Variants in ERBB4 observed in about 807,000 individuals in gnomAD.
The protein encoded by ERBB4 is erb-b2 receptor tyrosine kinase 4, also known as receptor tyrosine-protein kinase erbB-4.
A neutral mutation model predicts 158.0 loss-of-function variants in ERBB4; 42 were observed. That is an observed-to-expected ratio of 0.27 (90% CI 0.21 to 0.34). The LOEUF (loss-of-function observed/expected upper bound fraction) is 0.34. ERBB4 is among the 10% of genes least tolerant of loss of function. The pLI is 1.00. For missense variants in ERBB4, 1,333 were observed against 1,624.1 expected, an observed-to-expected ratio of 0.82 and a Z score of 3.08; for synonymous variants, 583 against 558.7, an observed-to-expected ratio of 1.04 and a Z score of -0.61.
At chr2:212,164,380 T>C (rs2081288141) in intron 1 of ERBB4, among the ~76,000 whole-genome samples, 1 of 152,048 alleles carries the variant, frequency 6.6e-6, no homozygotes, top group African/African-American at 2.4e-5. Context: ...CTAAACTAAT[T>C]TTATCTGCTC....
At chr2:211,641,189 T>G (rs1268318627) in intron 16 of ERBB4, among the ~76,000 whole-genome samples, 2 of 152,130 alleles carry the variant, frequency 1.3e-5, no homozygotes, top group Non-Finnish European at 2.9e-5. Flanking sequence ...TTCTAGTACT[T>G]TATTTATTCT....
At chr2:211,785,652 C>T (rs1254695132) in intron 4 of ERBB4, among the ~76,000 whole-genome samples, 3 of 151,976 alleles carry the variant, frequency 2.0e-5, no homozygotes, top group Admixed American at 1.3e-4. Flanking sequence ...TCCAGTTTTC[C>T]CAACACCATT....
At chr2:211,988,612 G>T (rs986959695) in intron 2 of ERBB4, among the ~76,000 whole-genome samples, 2 of 152,006 alleles carry the variant, frequency 1.3e-5, no homozygotes, top group African/African-American at 2.4e-5. Context: ...TACAATTGAA[G>T]ATGGGAATAA....
At chr2:211,441,074 T>G (rs2125453139) in intron 20 of ERBB4, among the ~76,000 whole-genome samples, 1 of 152,282 alleles carries the variant, frequency 6.6e-6, no homozygotes, top group Admixed American at 6.5e-5. Context: ...CCTCTCAAAA[T>G]CCTCAGAAGG....
intron 3 of ERBB4, among the ~76,000 whole-genome samples, chr2:211,805,814 T>G (rs911859311): frequency 4.6e-5 from 7 of 152,004 alleles, no homozygotes; most frequent in African/African-American, 1.4e-4. Flanking sequence ...AAAAATTCTA[T>G]TCTATAGGAA....
At chr2:212,194,744 T>C (rs1444749867) in intron 1 of ERBB4, among the ~76,000 whole-genome samples, 1 of 152,012 alleles carries the variant, frequency 6.6e-6, no homozygotes, top group Non-Finnish European at 1.5e-5. Context: ...ATATTTTTGC[T>C]GGCATATCTG....
At chr2:211,533,066 G>A (rs2066544442) in intron 20 of ERBB4, among the ~76,000 whole-genome samples, 1 of 151,148 alleles carries the variant, frequency 6.6e-6, no homozygotes, top group Non-Finnish European at 1.5e-5. Flanking sequence ...ACACAAATGG[G>A]AATATATCAT....
At chr2:212,264,530 T>C in intron 1 of ERBB4, among the ~76,000 whole-genome samples, 1 of 152,128 alleles carries the variant, frequency 6.6e-6, no homozygotes. Context: ...GCAAACTTCC[T>C]GTGGACAGTT....
intron 1 of ERBB4, among the ~76,000 whole-genome samples, chr2:212,336,623 C>T (rs1404225407): frequency 6.6e-6 from 1 of 152,074 alleles, no homozygotes; most frequent in African/African-American, 2.4e-5. Context: ...ACTCTGAGGA[C>T]ACCACACTGC....
chr2:212,335,789 G>A (rs73987367), intron 1 of ERBB4, among the ~76,000 whole-genome samples: 2,266 of 152,042 alleles, frequency 0.015, 58 homozygotes, highest in African/African-American at 0.05. Flanking sequence ...GAGAGCAAGC[G>A]TATGGTGCTC....
At chr2:212,331,345 T>C (rs897493516) in intron 1 of ERBB4, among the ~76,000 whole-genome samples, 1 of 151,382 alleles carries the variant, frequency 6.6e-6, no homozygotes, top group African/African-American at 2.4e-5. Context: ...AAACCGAGAA[T>C]GTCTCAATGC....
rs537790295 is a variant in ERBB4 at position 212,327,650 on chromosome 2, C to G, written c.83-202747G>C. 4.6e-4 allele frequency among the ~76,000 whole-genome samples: 69 copies of G among 151,344 alleles called. 1 individual carries two copies. Among genetic ancestry groups the G allele is most frequent in the Non-Finnish European group, 8.1e-4 (55 of 67,884 alleles). On this transcript the variant is annotated intron_variant, in intron 1 of 27. Transcript: ENST00000342788. Reference sequence around the variant, plus strand: ...AGTGGGTCTGGGGAAGAGGAAGTAACTGCAAGTGGGCACAAGGGATCTGTT... The same window carrying G: ...AGTGGGTCTGGGGAAGAGGAAGTAAGTGCAAGTGGGCACAAGGGATCTGTT...
intron 1 of ERBB4, among the ~76,000 whole-genome samples, chr2:212,433,703 T>C (rs1161875523): frequency 6.6e-6 from 1 of 152,018 alleles, no homozygotes; most frequent in African/African-American, 2.4e-5. Flanking sequence ...AAAATATATA[T>C]ATTAATATCT....
At chr2:211,577,123 T>C (rs1263910288) in intron 19 of ERBB4, among the ~76,000 whole-genome samples, 1 of 152,286 alleles carries the variant, frequency 6.6e-6, no homozygotes, top group Middle Eastern at 3.4e-3. Flanking sequence ...TCTAGCACAG[T>C]GTTGGTATAT....
chr2:212,469,088 A>G (rs1688987788), intron 1 of ERBB4, among the ~76,000 whole-genome samples: 1 of 152,166 alleles, frequency 6.6e-6, no homozygotes, highest in Admixed American at 6.5e-5. Context: ...TATCCAAGAA[A>G]TAGATTTCTT....
At chr2:211,549,718 G>A (rs1013034826) in intron 20 of ERBB4, among the ~76,000 whole-genome samples, 5 of 152,120 alleles carry the variant, frequency 3.3e-5, no homozygotes, top group Admixed American at 2.0e-4. Context: ...AAACACTTAT[G>A]TGTCAAATAA....
intron 20 of ERBB4, among the ~76,000 whole-genome samples, chr2:211,501,406 C>G (rs2065612307): frequency 6.6e-6 from 1 of 151,634 alleles, no homozygotes; most frequent in Non-Finnish European, 1.5e-5. Flanking sequence ...ACCCCAACTA[C>G]TTGATTTGAT....
chr2:211,741,776 A>G (rs1040645649), intron 5 of ERBB4, among the ~76,000 whole-genome samples: 1 of 152,196 alleles, frequency 6.6e-6, no homozygotes, highest in African/African-American at 2.4e-5. Context: ...GAGTATTTTA[A>G]ATATATACAT....
chr2:211,993,385 C>A (rs1405818628), intron 2 of ERBB4, among the ~76,000 whole-genome samples: 3 of 152,162 alleles, frequency 2.0e-5, no homozygotes, highest in African/African-American at 7.2e-5. Context: ...GGGTACCTTG[C>A]TCTTGGACAG....
Sources: allele counts gnomAD v4.1 joint callset (sites outside exome capture counted in the v4.1 genomes callset), GRCh38; gene constraint gnomAD v4.1.1; transcripts MANE v1.5; gene names NCBI Gene and HGNC (gene_info 2026-07-23, HGNC 2026-07-21).